FAT3: variants seen among roughly 807,000 people sequenced by gnomAD.
FAT3 encodes FAT atypical cadherin 3, also known as protocadherin Fat 3.
Under a neutral mutation model 310.2 loss-of-function variants are expected in FAT3, and 95 were observed. The ratio of observed to expected loss-of-function variants is 0.31; its 90% CI spans 0.26 to 0.36. The LOEUF is 0.36. FAT3 is among the 10% of genes least tolerant of loss of function. The pLI is 1.00. For missense variants in FAT3, 5,408 were observed against 5,715.6 expected, an observed-to-expected ratio of 0.95 and a Z score of 1.74; for synonymous variants, 2,314 against 2,192.9, an observed-to-expected ratio of 1.06 and a Z score of -1.54.
At chr11:92,442,095 ATATATATATATATATAT>A (rs1421938385) in intron 2 of FAT3, among the ~76,000 whole-genome samples, 1 of 46,356 alleles carries the variant, frequency 2.2e-5, no homozygotes, top group Admixed American at 2.5e-4. Flanking sequence ...ATATATATAT[ATATATATATATATATAT>A]TTTTTTTTTT....
intron 2 of FAT3, among the ~76,000 whole-genome samples, chr11:92,380,952 A>T (rs1239605511): frequency 6.6e-6 from 1 of 152,188 alleles, no homozygotes. Flanking sequence ...TTGTACAACT[A>T]CTACCTCTAT....
At chr11:92,383,977 C>A (rs1372611558) in intron 2 of FAT3, among the ~76,000 whole-genome samples, 1 of 151,850 alleles carries the variant, frequency 6.6e-6, no homozygotes, top group Non-Finnish European at 1.5e-5. Context: ...TTGGTTATTT[C>A]ATCTGGAATC....
rs1199870179 is a variant in FAT3, at chr11:92,524,805, C to T, written c.3464C>T (p.Pro1155Leu). 1 of 1,613,676 alleles carries T rather than the reference C, an allele frequency of 6.2e-7. No homozygotes were observed. Among genetic ancestry groups the T allele is most frequent in the Non-Finnish European group, 8.5e-7 (1 of 1,179,812 alleles). The change falls in exon 3 of 28, where the codon CCT becomes CTT. Residue 1155 changes from proline to leucine, a missense_variant. By Grantham distance (98) the Pro-to-Leu change is moderately conservative (BLOSUM62 -3). Coordinates refer to ENST00000525166, the MANE Select transcript of FAT3 (RefSeq NM_001367949.2). ...APLTSEPIYY[P>L]VVMENSPKDV... is the part of the protein sequence containing the mutation. ...CTGACCTCAGAACCTATATATTATC[C>T]TGTTGTCATGGAAAACTCTCCAAAG...
At chr11:92,458,929 A>G (rs916789973) in intron 2 of FAT3, among the ~76,000 whole-genome samples, 2 of 152,206 alleles carry the variant, frequency 1.3e-5, no homozygotes, top group Non-Finnish European at 2.9e-5. Flanking sequence ...GACCATGCAC[A>G]GGCACTTGAT....
intron 1 of FAT3, among the ~76,000 whole-genome samples, chr11:92,300,359 A>G (rs1946966408): frequency 6.6e-6 from 1 of 152,066 alleles, no homozygotes; most frequent in Non-Finnish European, 1.5e-5. Context: ...TGCATTTATC[A>G]TGTTACTGTG....
At chr11:92,445,443 A>C (rs1289107692) in intron 2 of FAT3, among the ~76,000 whole-genome samples, 2 of 151,980 alleles carry the variant, frequency 1.3e-5, no homozygotes, top group African/African-American at 4.8e-5. Flanking sequence ...AGAGTTCCCA[A>C]CTGGTTCCTT....
At position 92,753,798 on chromosome 11, in the gene FAT3, G is replaced by GTGTGTGTATATATATATATATATATA; in HGVS notation, c.3670-8057_3670-8056insGTGTGTATATATATATATATATATAT. Reference sequence around the variant, plus strand: ...GGTGTGTGTGTGTGTGTGTGTGTGTGTATATATATATGGTGGAATACTACT... The same window carrying GTGTGTGTATATATATATATATATATA: ...GGTGTGTGTGTGTGTGTGTGTGTGTGTGTGTGTATATATATATATATATATATATATATATATGGTGGAATACTACT... On this transcript the variant is annotated intron_variant, in intron 4 of 27. Coordinates refer to ENST00000525166, the MANE Select transcript of FAT3 (RefSeq NM_001367949.2). 4.2e-5 allele frequency among the ~76,000 whole-genome samples: 5 copies of GTGTGTGTATATATATATATATATATA among 119,180 alleles called. No homozygotes were observed. The East Asian group carries it at 9.1e-4, about 22-fold the overall frequency. 78.2% of individuals were successfully genotyped at this position (119,180 alleles called of 152,430 possible).
At chr11:92,762,269 A>G (rs1399027107) in intron 5 of FAT3, 99 bp downstream of exon 5, 11 of 1,259,104 alleles carry the variant, frequency 8.7e-6, no homozygotes, top group Non-Finnish European at 1.2e-5. Flanking sequence ...TAGAGTAAAA[A>G]GTGAAGCCAC....
intron 3 of FAT3, among the ~76,000 whole-genome samples, chr11:92,526,499 CT>C: frequency 6.6e-6 from 1 of 152,044 alleles, no homozygotes; most frequent in Admixed American, 6.6e-5. Context: ...GCCCAGCACC[CT>C]TTTTTTAAAG....
intron 1 of FAT3, among the ~76,000 whole-genome samples, chr11:92,264,474 C>T (rs1410724294): frequency 6.6e-6 from 1 of 152,134 alleles, no homozygotes; most frequent in Non-Finnish European, 1.5e-5. Context: ...GTCATCTCTA[C>T]CCTTTGCCTT....
In FAT3 at chr11:92,798,383, C is replaced by T; in HGVS notation, c.5370C>T (p.Ser1790=). ...EAAPINSIVR[S]LDNSPLVIRA... ...CCCCAATTAATAGCATTGTCAGGAG[C>T]TTGGATAACAGCCCACTGGTGATTC... is the stretch of plus-strand genomic sequence containing the variant. The change falls in exon 10 of 28, where the codon AGC becomes AGT. Residue 1790 remains serine, a synonymous_variant. Transcript: ENST00000525166. The T allele has an allele frequency of 2.5e-6, 4 of 1,613,288 alleles. No homozygotes were observed. Among genetic ancestry groups the T allele is most frequent in the Non-Finnish European group, 3.4e-6 (4 of 1,179,734 alleles).
chr11:92,353,560 A>G lies in FAT3; in HGVS notation c.1448A>G (p.Glu483Gly), dbSNP rs762947535. ...QQPLYDAYVN[E>G]SVPVGTSVLT... Reference sequence around the variant, plus strand: ...CCACTGTATGATGCTTATGTGAATGAAAGTGTCCCAGTGGGAACCAGCGTT... The same window carrying G: ...CCACTGTATGATGCTTATGTGAATGGAAGTGTCCCAGTGGGAACCAGCGTT... The change falls in exon 2 of 28, where the codon GAA becomes GGA. Residue 483 changes from glutamate to glycine, a missense_variant. Transcript: ENST00000525166. 1.1e-5 allele frequency: 17 copies of G among 1,613,700 alleles called. No homozygotes were observed. Among genetic ancestry groups the G allele is most frequent in the Non-Finnish European group, 1.4e-5 (17 of 1,179,884 alleles).
At chr11:92,246,431 A>G (rs1864908630) in intron 1 of FAT3, among the ~76,000 whole-genome samples, 1 of 151,988 alleles carries the variant, frequency 6.6e-6, no homozygotes, top group Admixed American at 6.6e-5. Context: ...AAATGAGAAA[A>G]ATTCTTCAAA....
chr11:92,474,620 A>G (rs1952001182), intron 2 of FAT3, among the ~76,000 whole-genome samples: 1 of 152,146 alleles, frequency 6.6e-6, no homozygotes, highest in Non-Finnish European at 1.5e-5. Context: ...CTCAATGAGA[A>G]CAGGAGACTC....
chr11:92,632,240 A>C (rs1168996007), intron 3 of FAT3, among the ~76,000 whole-genome samples: 3 of 152,208 alleles, frequency 2.0e-5, no homozygotes, highest in African/African-American at 7.2e-5. Context: ...TATCCATGCT[A>C]ATGAGGACTA....
intron 3 of FAT3, among the ~76,000 whole-genome samples, chr11:92,637,788 T>C (rs959009808): frequency 3.9e-5 from 6 of 152,256 alleles, no homozygotes; most frequent in Non-Finnish European, 5.9e-5. Flanking sequence ...CTATATACTA[T>C]GTAAATGATT....
At chr11:92,278,211 C>G (rs1323141358) in intron 1 of FAT3, among the ~76,000 whole-genome samples, 5 of 152,104 alleles carry the variant, frequency 3.3e-5, no homozygotes, top group African/African-American at 1.2e-4. Context: ...GTTAAAGTTA[C>G]ATGTTTAAGG....
At chr11:92,607,350 G>A (rs552850509) in intron 3 of FAT3, among the ~76,000 whole-genome samples, 1 of 152,254 alleles carries the variant, frequency 6.6e-6, no homozygotes, top group South Asian at 2.1e-4. Context: ...CCAAAGTCAT[G>A]CAGTTAGTGG....
chr11:92,309,534 G>A (rs968189111), intron 1 of FAT3, among the ~76,000 whole-genome samples: 8 of 151,994 alleles, frequency 5.3e-5, no homozygotes, highest in Non-Finnish European at 1.0e-4. Context: ...CTTCACCTTC[G>A]GGAAAGTAAT....
Sources: gnomAD v4.1 joint callset for allele counts (sites outside exome capture counted in the v4.1 genomes callset) on GRCh38, gnomAD v4.1.1 for gene constraint, MANE v1.5 for transcripts, NCBI Gene and HGNC (gene_info 2026-07-23, HGNC 2026-07-21) for gene names.